ARFGAP3: variants seen among roughly 807,000 people sequenced by gnomAD.
ARFGAP3 encodes ADP-ribosylation factor GTPase-activating protein 3.
A neutral mutation model predicts 75.0 loss-of-function variants in ARFGAP3; 72 were observed. The observed-to-expected ratio is 0.96, with a 90% confidence interval of 0.79 to 1.17. The LOEUF (loss-of-function observed/expected upper bound fraction) is 1.17, where lower values mean the gene tolerates loss of function less well. Among genes scored for constraint, ARFGAP3 ranks in the 50% most tolerant of loss-of-function variants. ARFGAP3 has a pLI of 0.00. For synonymous variants in ARFGAP3, 221 were observed against 217.9 expected (o/e 1.01, Z -0.13); for missense variants, 620 against 626.6 (o/e 0.99, Z 0.11).
At chr22:42,805,779 A>G (rs1037305430) in intron 14 of ARFGAP3, among the ~76,000 whole-genome samples, 1 of 152,058 alleles carries the variant, frequency 6.6e-6, no homozygotes, top group Non-Finnish European at 1.5e-5. Context: ...TCACACTCTC[A>G]CTGGCAGCGG....
intron 14 of ARFGAP3, among the ~76,000 whole-genome samples, chr22:42,803,401 T>C (rs1010309197): frequency 1.3e-5 from 2 of 152,198 alleles, no homozygotes; most frequent in African/African-American, 4.8e-5. Context: ...AACCTACCAC[T>C]TGACCCCACG....
Position 42,833,041 on chromosome 22 carries a change from T to C in ARFGAP3, c.477+1201A>G, listed in dbSNP as rs543679134. ...AAAAGAAAGGGCCAAATAGTAAATA[T>C]TGTCGCCTTTTAGGCTTTACTTTCC... is the stretch of plus-strand genomic sequence containing the variant. On this transcript the variant is annotated intron_variant, in intron 5 of 15. Coordinates refer to ENST00000263245, the MANE Select transcript of ARFGAP3 (RefSeq NM_014570.5). Among the ~76,000 whole-genome samples, 8 of 151,884 alleles carry C rather than the reference T, an allele frequency of 5.3e-5. No homozygotes were observed. The South Asian group carries it at 1.0e-3, about 20-fold the overall frequency.
intron 1 of ARFGAP3, among the ~76,000 whole-genome samples, chr22:42,849,480 CT>C (rs57340922): frequency 0.46 from 67,055 of 146,984 alleles, 15,510 homozygotes; most frequent in Non-Finnish European, 0.49. Flanking sequence ...GGCTTTTTTT[CT>C]TTTTTTTTTA....
At chr22:42,823,558 C>T in intron 8 of ARFGAP3, 98 bp downstream of exon 8, 1 of 878,438 alleles carries the variant, frequency 1.1e-6, no homozygotes, top group Non-Finnish European at 1.7e-6. Context: ...ACATTTATTA[C>T]AAGATGGTTC....
In ARFGAP3 at chr22:42,826,961, C is replaced by G. The variant is rs1173959970; in HGVS notation, c.604G>C (p.Val202Leu). ...EQGPSVEGLN[V>L]PTKATLEVSS... ...TTACCTAAAGTAGCCTTTGTTGGTA[C>G]ATTAAGACCTTCCACACTTGGTCCT... is the stretch of plus-strand genomic sequence containing the variant. The change falls in exon 7 of 16, where the codon GTA (valine) becomes CTA (leucine). Residue 202 changes from valine to leucine, a missense_variant. Val to Leu is a conservative substitution (Grantham distance 32). Coordinates refer to ENST00000263245, the MANE Select transcript of ARFGAP3 (RefSeq NM_014570.5). The G allele has an allele frequency of 1.9e-6, 3 of 1,613,642 alleles. No individual in the cohort carries two copies. The highest frequency in any genetic ancestry group is 2.5e-6 in the Non-Finnish European group (3 of 1,179,872).
chr22:42,846,750 G>T (rs1332877993), intron 2 of ARFGAP3, among the ~76,000 whole-genome samples: 4 of 152,200 alleles, frequency 2.6e-5, no homozygotes, highest in African/African-American at 9.7e-5. Context: ...CACTTTGGAG[G>T]ACATAGGACA....
chr22:42,856,302 C>T (rs1211111016), intron 1 of ARFGAP3, among the ~76,000 whole-genome samples: 1 of 152,188 alleles, frequency 6.6e-6, no homozygotes, highest in Non-Finnish European at 1.5e-5. Context: ...CTGTTCCCTT[C>T]GGGAAGTGAC....
At chr22:42,825,112 A>C (rs80124642) in intron 7 of ARFGAP3, among the ~76,000 whole-genome samples, 1 of 152,188 alleles carries the variant, frequency 6.6e-6, no homozygotes, top group Non-Finnish European at 1.5e-5. Context: ...CAAACAAAAA[A>C]CATTAGTCCA....
chr22:42,832,723 T>C (rs956613713), intron 5 of ARFGAP3, among the ~76,000 whole-genome samples: 5 of 151,874 alleles, frequency 3.3e-5, no homozygotes, highest in African/African-American at 1.2e-4. Flanking sequence ...TGGTGGCTCA[T>C]GCCTATAATC....
chr22:42,856,364 C>T (rs781588404), intron 1 of ARFGAP3, among the ~76,000 whole-genome samples: 8 of 152,220 alleles, frequency 5.3e-5, no homozygotes, highest in Non-Finnish European at 1.0e-4. Context: ...AGAGCCCACG[C>T]TGACGCGACA....
At position 42,797,607 on chromosome 22, in the gene ARFGAP3, T is replaced by A; in HGVS notation, c.1534-2A>T. On this transcript the variant is annotated splice_acceptor_variant, in intron 15 of 15. Coordinates refer to ENST00000263245, the MANE Select transcript of ARFGAP3 (RefSeq NM_014570.5). LOFTEE classifies it high-confidence loss of function. ...TCAGTATTAAGAACCGTAGCGATCC[T>A]GAAGAGAGAACCAAAATGGAAGTTC... 1 of 1,614,054 alleles carries A rather than the reference T, an allele frequency of 6.2e-7. No homozygotes were observed. Among genetic ancestry groups the A allele is most frequent in the South Asian group, 1.1e-5 (1 of 91,078 alleles).
intron 14 of ARFGAP3, among the ~76,000 whole-genome samples, chr22:42,804,168 T>A (rs898474501): frequency 1.3e-5 from 2 of 151,724 alleles, no homozygotes; most frequent in African/African-American, 4.8e-5. Flanking sequence ...CCTCCCAAAG[T>A]GCTGGATTAT....
intron 12 of ARFGAP3, 165 bp from the exon 13 acceptor site, chr22:42,809,055 A>G (rs1925251278): frequency 1.9e-6 from 1 of 533,448 alleles, no homozygotes; most frequent in East Asian, 1.5e-4. Flanking sequence ...AAGAATAAAT[A>G]CCCAAACGAT....
chr22:42,835,273 AG>A, intron 4 of ARFGAP3, 88 bp downstream of exon 4: 1 of 1,457,242 alleles, frequency 6.9e-7, no homozygotes, highest in Admixed American at 2.0e-5. Flanking sequence ...CAACTCAGGT[AG>A]AAAAGTTTTA....
chr22:42,850,486 T>A (rs1037652720), intron 1 of ARFGAP3, among the ~76,000 whole-genome samples: 26 of 142,570 alleles, frequency 1.8e-4, no homozygotes, highest in African/African-American at 6.9e-4. Flanking sequence ...GGTGAGAGGA[T>A]CGCTTGAGCC....
intron 3 of ARFGAP3, among the ~76,000 whole-genome samples, chr22:42,837,895 C>A (rs1029400633): frequency 6.6e-6 from 1 of 151,156 alleles, no homozygotes; most frequent in Non-Finnish European, 1.5e-5. Context: ...TGGTCTTGAA[C>A]TCATGGGCTC....
chr22:42,820,672 A>G (rs923816638), intron 9 of ARFGAP3, among the ~76,000 whole-genome samples: 2 of 152,220 alleles, frequency 1.3e-5, no homozygotes, highest in Non-Finnish European at 2.9e-5. Context: ...AGAAAACACC[A>G]TTAAAAAACA....
At chr22:42,831,729 C>A in intron 5 of ARFGAP3, 93 bp from the exon 6 acceptor site, 2 of 1,570,044 alleles carry the variant, frequency 1.3e-6, no homozygotes, top group Non-Finnish European at 1.7e-6. Context: ...ACAATTTAAA[C>A]AGCCACATTC....
chr22:42,831,831 A>G (rs760520909), intron 5 of ARFGAP3, 195 bp from the exon 6 acceptor site: 2 of 764,530 alleles, frequency 2.6e-6, no homozygotes, highest in Non-Finnish European at 3.2e-6. Flanking sequence ...TGCCCAGGCT[A>G]GAGTGCAGAA....
Sources: gnomAD v4.1 joint callset for allele counts (sites outside exome capture counted in the v4.1 genomes callset) on GRCh38, gnomAD v4.1.1 for gene constraint, MANE v1.5 for transcripts, NCBI Gene and HGNC (gene_info 2026-07-23, HGNC 2026-07-21) for gene names.